The following CADM2 variants were observed in gnomAD, a reference collection of about 807,000 sequenced individuals.
CADM2 encodes cell adhesion molecule 2.
A neutral mutation model predicts 49.8 loss-of-function variants in CADM2; 12 were observed. The observed-to-expected ratio is 0.24, with a 90% CI of 0.15 to 0.39. The LOEUF (loss-of-function observed/expected upper bound fraction) is 0.39, where lower values mean the gene tolerates loss of function less well. Among genes scored for constraint, CADM2 ranks in the 10% least tolerant of loss-of-function variants. The pLI, the probability that CADM2 is intolerant of heterozygous loss-of-function variation, is 1.00. For synonymous variants in CADM2, 214 were observed against 175.4 expected (o/e 1.22, Z -1.74); for missense variants, 378 against 492.3 (o/e 0.77, Z 2.20).
chr3:85,871,591 A>G (rs1396510249), intron 3 of CADM2, among the ~76,000 whole-genome samples: 1 of 152,138 alleles, frequency 6.6e-6, no homozygotes. Context: ...AAATAATGCT[A>G]GTGTAAGTCT....
At chr3:85,436,278 C>T (rs930047806) in intron 1 of CADM2, among the ~76,000 whole-genome samples, 1 of 152,084 alleles carries the variant, frequency 6.6e-6, no homozygotes, top group Non-Finnish European at 1.5e-5. Flanking sequence ...ATTTTGTATT[C>T]TTAGACTTTG....
intron 1 of CADM2, among the ~76,000 whole-genome samples, chr3:85,628,595 A>ATATATACATATATATACATG (rs1289714657): frequency 6.1e-5 from 3 of 49,106 alleles, no homozygotes; most frequent in Non-Finnish European, 1.2e-4. Flanking sequence ...ATATATACAT[A>ATATATACATATATATACATG]TATACACATA....
intron 1 of CADM2, among the ~76,000 whole-genome samples, chr3:85,026,591 T>C (rs1187408911): frequency 6.6e-6 from 1 of 152,182 alleles, no homozygotes; most frequent in Non-Finnish European, 1.5e-5. Flanking sequence ...ACACATGATT[T>C]AGTATAGTAA....
intron 8 of CADM2, among the ~76,000 whole-genome samples, chr3:85,964,863 T>C: frequency 6.6e-6 from 1 of 151,808 alleles, no homozygotes; most frequent in East Asian, 1.9e-4. Flanking sequence ...TTCTTCTTTA[T>C]AAAAATGTTG....
intron 2 of CADM2, among the ~76,000 whole-genome samples, chr3:85,782,219 TA>T (rs2070694384): frequency 1.3e-5 from 2 of 152,192 alleles, no homozygotes; most frequent in African/African-American, 2.4e-5. Context: ...GGTTTACTCA[TA>T]GGAGGTGTTC....
At chr3:85,946,996 A>G (rs1248546216) in intron 7 of CADM2, among the ~76,000 whole-genome samples, 1 of 152,136 alleles carries the variant, frequency 6.6e-6, no homozygotes, top group Admixed American at 6.6e-5. Context: ...AACTACCATC[A>G]GAGTGAACAG....
At chr3:85,544,284 A>AT (rs2061612498) in intron 1 of CADM2, among the ~76,000 whole-genome samples, 1 of 152,184 alleles carries the variant, frequency 6.6e-6, no homozygotes, top group African/African-American at 2.4e-5. Context: ...ACAGATTTAT[A>AT]TAAAAAAGAG....
At chr3:85,678,513 C>T (rs1024049012) in intron 1 of CADM2, among the ~76,000 whole-genome samples, 6 of 152,110 alleles carry the variant, frequency 3.9e-5, no homozygotes, top group Non-Finnish European at 7.3e-5. Flanking sequence ...ATCCTACATA[C>T]GATGTCAGAT....
chr3:84,966,516 A>T (rs1365071083), intron 1 of CADM2, among the ~76,000 whole-genome samples: 1 of 152,030 alleles, frequency 6.6e-6, no homozygotes. Flanking sequence ...ACAACGATTA[A>T]CAAGACTTCC....
At chr3:85,761,823 T>G (rs764305409) in intron 2 of CADM2, among the ~76,000 whole-genome samples, 9 of 152,180 alleles carry the variant, frequency 5.9e-5, no homozygotes, top group Non-Finnish European at 1.2e-4. Context: ...GCTTATGAAT[T>G]CTGCCCTCAA....
At chr3:85,724,247 G>A (rs1377850086) in intron 1 of CADM2, among the ~76,000 whole-genome samples, 1 of 151,404 alleles carries the variant, frequency 6.6e-6, no homozygotes, top group African/African-American at 2.4e-5. Flanking sequence ...TTTTTCTCTT[G>A]TTTTAGTGAT....
At chr3:85,504,346 T>C (rs112260558) in intron 1 of CADM2, among the ~76,000 whole-genome samples, 43 of 152,216 alleles carry the variant, frequency 2.8e-4, no homozygotes, top group Admixed American at 7.2e-4. Context: ...ATAAAGGCAG[T>C]GTGGACCCAA....
chr3:85,958,813 C>G (rs1400355157), intron 7 of CADM2, among the ~76,000 whole-genome samples: 6 of 151,910 alleles, frequency 3.9e-5, no homozygotes, highest in African/African-American at 1.4e-4. Context: ...AAACCAAACA[C>G]TTCATGTTCT....
intron 1 of CADM2, among the ~76,000 whole-genome samples, chr3:85,189,880 TTATCAG>T (rs112349103): frequency 0.22 from 33,858 of 151,048 alleles, 6,367 homozygotes; most frequent in African/African-American, 0.52. Context: ...TCCGGAGATA[TTATCAG>T]TATCAGTTCC....
At chr3:85,531,860 T>C (rs929773033) in intron 1 of CADM2, among the ~76,000 whole-genome samples, 3 of 152,188 alleles carry the variant, frequency 2.0e-5, no homozygotes, top group Non-Finnish European at 4.4e-5. Context: ...TTTTAAATGG[T>C]ACATGGTTAT....
intron 1 of CADM2, among the ~76,000 whole-genome samples, chr3:85,633,200 G>A (rs2064363424): frequency 1.3e-5 from 2 of 151,896 alleles, no homozygotes; most frequent in South Asian, 2.1e-4. Context: ...GTGGCTGAGT[G>A]TTGCCATTAC....
chr3:85,073,537 C>T (rs2036834094), intron 1 of CADM2, among the ~76,000 whole-genome samples: 1 of 151,946 alleles, frequency 6.6e-6, no homozygotes, highest in Non-Finnish European at 1.5e-5. Flanking sequence ...CTAATGAATC[C>T]CCATGTCATT....
At chr3:85,201,214 G>T (rs78905579) in intron 1 of CADM2, among the ~76,000 whole-genome samples, 7,106 of 152,134 alleles carry the variant, frequency 0.047, 245 homozygotes, top group East Asian at 0.14. Context: ...TTACATGTTT[G>T]TTCCAGATCA....
chr3:85,813,498 G>T (rs1223436737), intron 3 of CADM2, among the ~76,000 whole-genome samples: 1 of 151,546 alleles, frequency 6.6e-6, no homozygotes, highest in African/African-American at 2.4e-5. Flanking sequence ...TCTGTAGGTT[G>T]CGTGATTATA....
Sources: allele counts gnomAD v4.1 joint callset (sites outside exome capture counted in the v4.1 genomes callset), GRCh38; gene constraint gnomAD v4.1.1; transcripts MANE v1.5; gene names NCBI Gene and HGNC (gene_info 2026-07-23, HGNC 2026-07-21).